PDGFRL: variants seen among roughly 807,000 people sequenced by gnomAD.
PDGFRL encodes platelet-derived growth factor receptor-like protein.
PDGFRL carries 46 observed loss-of-function variants against 37.2 expected under a neutral mutation model. The ratio of observed to expected loss-of-function variants is 1.24; its 90% CI spans 0.98 to 1.58. The LOEUF is 1.58. Ranked by LOEUF, PDGFRL falls within the 40% of genes most tolerant of loss-of-function variation. The probability of loss-of-function intolerance (pLI) is 0.00; values close to 1 mark genes in which losing one functional copy is unlikely to be tolerated. For synonymous variants in PDGFRL, 251 were observed against 184.3 expected, an observed-to-expected ratio of 1.36 and a Z score of -2.93; for missense variants, 692 against 467.6, an observed-to-expected ratio of 1.48 and a Z score of -4.43.
chr8:17,595,043 T>A (rs966422756), intron 2 of PDGFRL, among the ~76,000 whole-genome samples: 1 of 152,214 alleles, frequency 6.6e-6, no homozygotes, highest in Non-Finnish European at 1.5e-5. Flanking sequence ...GATGTTGATT[T>A]TACTGTTTGT....
At chr8:17,606,205 T>G (rs910690724) in intron 2 of PDGFRL, among the ~76,000 whole-genome samples, 7 of 152,340 alleles carry the variant, frequency 4.6e-5, no homozygotes, top group Non-Finnish European at 8.8e-5. Context: ...AATTTATATT[T>G]TTCGAAAATA....
Position 17,625,277 on chromosome 8 carries a change from G to A in PDGFRL, c.506-3210G>A, listed in dbSNP as rs1486554232. Among the ~76,000 whole-genome samples, 7 of 152,090 alleles carry A rather than the reference G, an allele frequency of 4.6e-5. No homozygotes were observed. In the South Asian group the frequency reaches 6.2e-4, roughly 14 times the overall value. ...AGCGATTCTCCTGCCTCAGCCTCCC[G>A]AGTAGCTGGGATTACAGGCATGCGC... is the stretch of plus-strand genomic sequence containing the variant. On this transcript the variant is annotated intron_variant, in intron 3 of 5. Transcript: ENST00000251630.
intron 5 of PDGFRL, among the ~76,000 whole-genome samples, chr8:17,641,026 G>C (rs1306699897): frequency 6.6e-6 from 1 of 152,068 alleles, no homozygotes; most frequent in African/African-American, 2.4e-5. Context: ...CTGCTCTGCT[G>C]TGTCATGCAG....
intron 2 of PDGFRL, among the ~76,000 whole-genome samples, chr8:17,597,551 T>TG (rs561401639): frequency 6.1e-4 from 1 of 1,636 alleles, no homozygotes; most frequent in African/African-American, 8.0e-4. Context: ...GCAATATACA[T>TG]TTTTTTTTCC....
At chr8:17,597,863 A>C (rs1463478714) in intron 2 of PDGFRL, among the ~76,000 whole-genome samples, 1 of 152,172 alleles carries the variant, frequency 6.6e-6, no homozygotes, top group Non-Finnish European at 1.5e-5. Context: ...GTTTAAAGCA[A>C]TATTTCAGTA....
At chr8:17,606,982 A>T (rs1271826820) in intron 2 of PDGFRL, among the ~76,000 whole-genome samples, 1 of 137,374 alleles carries the variant, frequency 7.3e-6, no homozygotes, top group Non-Finnish European at 1.5e-5. Context: ...TGCAACCTCC[A>T]CCTCCCAGGT....
At chr8:17,628,083 T>A (rs563522325) in intron 3 of PDGFRL, among the ~76,000 whole-genome samples, 171 of 137,358 alleles carry the variant, frequency 1.2e-3, no homozygotes, top group African/African-American at 4.4e-3. Flanking sequence ...AAGCTCCGCC[T>A]CCCGGGTTCA....
At chr8:17,611,560 A>C (rs773106237) in intron 2 of PDGFRL, among the ~76,000 whole-genome samples, 8 of 152,182 alleles carry the variant, frequency 5.3e-5, no homozygotes, top group Non-Finnish European at 1.2e-4. Context: ...TCAGAGGGAA[A>C]GAGATGCGTG....
At position 17,589,605 on chromosome 8, in the gene PDGFRL, C is replaced by A. The variant is rs752092644; in HGVS notation, c.193C>A (p.Gln65Lys). 6.2e-7 allele frequency: 1 copy of A among 1,613,906 alleles called. No individual in the cohort carries two copies. Among genetic ancestry groups the A allele is most frequent in the Non-Finnish European group, 8.5e-7 (1 of 1,179,862 alleles). Residue 65 changes from glutamine to lysine, a missense_variant, in exon 2 of 6, where the codon CAG (glutamine) becomes AAG (lysine). Physicochemically the swap from Gln to Lys is moderately conservative, Grantham distance 53 (BLOSUM62 1). Transcript: ENST00000251630. Reference sequence around the variant, plus strand: ...CTCAGCCAATTCAGCACCAAAGACGCAGTCTATCATGATGCAAGTGCTGGA... The same window carrying A: ...CTCAGCCAATTCAGCACCAAAGACGAAGTCTATCATGATGCAAGTGCTGGA... The part of the protein sequence containing the change: ...RDSANSAPKT[Q>K]SIMMQVLDKG...
chr8:17,628,746 G>A lies in PDGFRL; in HGVS notation c.765G>A (p.Gln255=). 6.2e-7 allele frequency: 1 copy of A among 1,614,132 alleles called. No individual in the cohort carries two copies. The highest frequency in any genetic ancestry group is 8.5e-7 in the Non-Finnish European group (1 of 1,179,966). ...GGGCGGAGGCCGGGGGCAGATCTCA[G>A]ATCTCCGTCAAGTACCAGCTGCTCT... ...YCRAEAGGRS[Q]ISVKYQLLYV... is the part of the protein sequence containing the mutation. Residue 255 remains glutamine, a synonymous_variant, in exon 4 of 6, where the codon CAG becomes CAA. Transcript: ENST00000251630.
intron 2 of PDGFRL, among the ~76,000 whole-genome samples, chr8:17,590,031 G>C (rs969778473): frequency 1.6e-4 from 24 of 150,382 alleles, no homozygotes; most frequent in African/African-American, 5.6e-4. Flanking sequence ...GGAGATCGAG[G>C]CTATCCTGGC....
chr8:17,631,726 C>T (rs980934854), intron 4 of PDGFRL, among the ~76,000 whole-genome samples: 3 of 152,194 alleles, frequency 2.0e-5, no homozygotes, highest in Non-Finnish European at 4.4e-5. Flanking sequence ...TGTCCCTGTC[C>T]TCCTGGATTC....
chr8:17,580,181 GTTTC>G (rs1217118749), intron 1 of PDGFRL, among the ~76,000 whole-genome samples: 1 of 152,094 alleles, frequency 6.6e-6, no homozygotes, highest in Admixed American at 6.5e-5. Flanking sequence ...GGTGAAAGGG[GTTTC>G]TTTCTTGGAG....
rs751775328 is a variant in PDGFRL at position 17,638,786 on chromosome 8, T to TATATATATAA, written c.940-3826_940-3825insTATATATAAA. On this transcript the variant is annotated intron_variant, in intron 5 of 5. Transcript: ENST00000251630. ...ATATATATATATATATATATATATA[T>TATATATATAA]AATTGTGATATTTTCCTGTTGGGCA... 1.5e-3 allele frequency among the ~76,000 whole-genome samples: 157 copies of TATATATATAA among 102,818 alleles called. 6 individuals carry two copies. Among genetic ancestry groups the TATATATATAA allele is most frequent in the Admixed American group, 2.4e-3 (21 of 8,734 alleles). 67.5% of individuals were successfully genotyped at this position (102,818 alleles called of 152,430 possible).
At chr8:17,597,028 G>C (rs6998994) in intron 2 of PDGFRL, among the ~76,000 whole-genome samples, 2 of 142,638 alleles carry the variant, frequency 1.4e-5, no homozygotes, top group Non-Finnish European at 2.9e-5. Context: ...TTTGTTTTTT[G>C]TTTTTGTTTT....
Position 17,621,140 on chromosome 8 carries a change from G to A in PDGFRL, c.443G>A (p.Cys148Tyr). 2.5e-6 allele frequency: 4 copies of A among 1,611,954 alleles called. No homozygotes were observed. Among genetic ancestry groups the A allele is most frequent in the South Asian group, 1.1e-5 (1 of 90,884 alleles). The change falls in exon 3 of 6, where the codon TGC becomes TAC. Residue 148 changes from cysteine to tyrosine, a missense_variant. By Grantham distance (194) the Cys-to-Tyr change is radical. Transcript: ENST00000251630. The stretch of plus-strand genomic sequence containing the variant: ...GAATTCAGCTGCTGGGTGCAGCTCT[G>A]CAGCGGCTACATCTGCAGGAAGGAC... ...TGEFSCWVQL[C>Y]SGYICRKDEA...
chr8:17,579,497 C>T (rs562405639), intron 1 of PDGFRL, among the ~76,000 whole-genome samples: 1 of 151,146 alleles, frequency 6.6e-6, no homozygotes, highest in African/African-American at 2.4e-5. Flanking sequence ...TGTTTCACTG[C>T]CTTTTAGTTT....
intron 2 of PDGFRL, among the ~76,000 whole-genome samples, chr8:17,620,168 C>T (rs565947467): frequency 6.6e-6 from 1 of 152,220 alleles, no homozygotes; most frequent in East Asian, 1.9e-4. Flanking sequence ...TGCTATGTTG[C>T]TCAGGTTGGT....
At chr8:17,576,587 T>C, upstream of PDGFRL, 1 of 275,176 alleles carries the variant, frequency 3.6e-6, no homozygotes, top group Non-Finnish European at 5.5e-6. Context: ...CCTAATTCCC[T>C]GTTCTCCTGC....
Sources: gnomAD v4.1 joint callset for allele counts (sites outside exome capture counted in the v4.1 genomes callset) on GRCh38, gnomAD v4.1.1 for gene constraint, MANE v1.5 for transcripts, NCBI Gene and HGNC (gene_info 2026-07-23, HGNC 2026-07-21) for gene names.